Variants in EPB41L3 observed in about 807,000 individuals in gnomAD.
EPB41L3 encodes the protein band 4.1-like protein 3.
A neutral mutation model predicts 127.1 loss-of-function variants in EPB41L3; 57 were observed. The observed-to-expected ratio is 0.45, with a 90% confidence interval of 0.36 to 0.56. The LOEUF (loss-of-function observed/expected upper bound fraction) is 0.56. EPB41L3 is among the 20% of genes least tolerant of loss of function. The pLI, the probability that EPB41L3 is intolerant of heterozygous loss-of-function variation, is 0.00. For synonymous variants in EPB41L3, 572 were observed against 549.5 expected (o/e 1.04, Z -0.57); for missense variants, 1,273 against 1,372.2 (o/e 0.93, Z 1.14).
At chr18:5,445,381 C>T (rs2081327684) in intron 3 of EPB41L3, 137 bp from the exon 4 acceptor site, 1 of 683,764 alleles carries the variant, frequency 1.5e-6, no homozygotes, top group South Asian at 2.0e-5. Flanking sequence ...GATCACATTG[C>T]CATCTCCTGT....
chr18:5,616,286 A>AC (rs1488498036), intron 1 of EPB41L3, among the ~76,000 whole-genome samples: 1 of 151,488 alleles, frequency 6.6e-6, no homozygotes, highest in Non-Finnish European at 1.5e-5. Context: ...GACCCCCACA[A>AC]CCCTACTTTT....
Position 5,406,135 on chromosome 18 carries a change from C to T in EPB41L3, c.2349+642G>A, listed in dbSNP as rs546649665. On this transcript the variant is annotated intron_variant, in intron 16 of 22. Coordinates refer to ENST00000341928, the MANE Select transcript of EPB41L3 (RefSeq NM_012307.5). ...GTGTGGTGAAGGGCATCTATAGTCCCAGCTACTTGGGAGGCCAAGGCAGGA... is the reference window on the plus strand; with the variant it reads ...GTGTGGTGAAGGGCATCTATAGTCCTAGCTACTTGGGAGGCCAAGGCAGGA... Among the ~76,000 whole-genome samples the T allele has an allele frequency of 1.2e-3, 180 of 152,220 alleles. 1 individual carries two copies. Among genetic ancestry groups the T allele is most frequent in the African/African-American group, 4.2e-3 (174 of 41,536 alleles).
intron 1 of EPB41L3, among the ~76,000 whole-genome samples, chr18:5,530,868 A>G (rs137894539): frequency 1.1e-3 from 171 of 152,326 alleles, no homozygotes; most frequent in African/African-American, 4.0e-3. Flanking sequence ...TCAGGGTGAC[A>G]GGAAGCCCCG....
chr18:5,452,637 C>T (rs545568078), intron 3 of EPB41L3, among the ~76,000 whole-genome samples: 1 of 152,170 alleles, frequency 6.6e-6, no homozygotes, highest in South Asian at 2.1e-4. Context: ...TAAAAGTTCT[C>T]AGGAAATGAT....
chr18:5,578,940 G>C (rs2094363842), intron 3 of EPB41L3, among the ~76,000 whole-genome samples: 1 of 152,132 alleles, frequency 6.6e-6, no homozygotes, highest in African/African-American at 2.4e-5. Context: ...GTGCATAGGA[G>C]TTACAGTTAC....
chr18:5,530,344 C>G (rs1046782520), intron 1 of EPB41L3, among the ~76,000 whole-genome samples: 1 of 152,012 alleles, frequency 6.6e-6, no homozygotes, highest in Non-Finnish European at 1.5e-5. Context: ...TTCATGTATT[C>G]CTTCAAAAAA....
chr18:5,451,426 A>C (rs2082266091), intron 3 of EPB41L3, among the ~76,000 whole-genome samples: 1 of 151,854 alleles, frequency 6.6e-6, no homozygotes, highest in Admixed American at 6.6e-5. Flanking sequence ...CCCAGTGCCA[A>C]CTCTCTGAAG....
chr18:5,597,515 T>C (rs183046478), intron 3 of EPB41L3, among the ~76,000 whole-genome samples: 51 of 152,324 alleles, frequency 3.3e-4, no homozygotes, highest in Non-Finnish European at 5.1e-4. Context: ...AACTGTATTC[T>C]ACTGTTTATT....
intron 16 of EPB41L3, chr18:5,399,257 T>G: frequency 2.5e-6 from 1 of 399,080 alleles, no homozygotes; most frequent in Non-Finnish European, 4.4e-6. Flanking sequence ...TGCCAGATTT[T>G]AACATGTCAG....
intron 1 of EPB41L3, among the ~76,000 whole-genome samples, chr18:5,523,796 T>G (rs2093100569): frequency 6.6e-6 from 1 of 152,002 alleles, no homozygotes; most frequent in Admixed American, 6.6e-5. Flanking sequence ...AAAAAAAAAT[T>G]AACACCTACT....
chr18:5,414,943 T>G (rs1351066499), intron 13 of EPB41L3, among the ~76,000 whole-genome samples: 1 of 152,196 alleles, frequency 6.6e-6, no homozygotes, highest in Non-Finnish European at 1.5e-5. Context: ...TTCAGGGTCT[T>G]TCGCCCACTA....
At chr18:5,625,384 G>A (rs556290859) in intron 1 of EPB41L3, among the ~76,000 whole-genome samples, 34 of 152,160 alleles carry the variant, frequency 2.2e-4, no homozygotes, top group African/African-American at 7.5e-4. Context: ...TGACGTTTCC[G>A]TGGTGTGTGT....
At chr18:5,606,869 C>CA (rs1481150397) in intron 3 of EPB41L3, among the ~76,000 whole-genome samples, 1 of 150,938 alleles carries the variant, frequency 6.6e-6, no homozygotes, top group African/African-American at 2.5e-5. Flanking sequence ...AACACCTGCC[C>CA]ACCATGGCGT....
chr18:5,558,559 G>A (rs8091944), intron 3 of EPB41L3, among the ~76,000 whole-genome samples: 83,675 of 152,066 alleles, frequency 0.55, 25,485 homozygotes, highest in Non-Finnish European at 0.68. Context: ...GTATGTAGAA[G>A]GTGCATGGTC....
intron 3 of EPB41L3, among the ~76,000 whole-genome samples, chr18:5,468,181 G>T (rs1438533658): frequency 6.6e-6 from 1 of 152,186 alleles, no homozygotes; most frequent in Non-Finnish European, 1.5e-5. Context: ...GAGGCTAAGG[G>T]GGACACTGAG....
chr18:5,469,386 TTGCCCAGAGC>T (rs1431488407), intron 3 of EPB41L3, among the ~76,000 whole-genome samples: 1 of 152,238 alleles, frequency 6.6e-6, no homozygotes, highest in Non-Finnish European at 1.5e-5. Context: ...AGCCGCAGGC[TTGCCCAGAGC>T]TGGTGCCTGT....
At chr18:5,599,817 A>G (rs897977479) in intron 3 of EPB41L3, among the ~76,000 whole-genome samples, 2 of 152,108 alleles carry the variant, frequency 1.3e-5, no homozygotes, top group Non-Finnish European at 2.9e-5. Context: ...TTTACAAATT[A>G]CCTAGTCTCA....
rs2073841041 is a variant in EPB41L3 at position 5,397,873 on chromosome 18, G to A, written c.2472+148C>T. The A allele has an allele frequency of 1.1e-6, 1 of 869,950 alleles. No individual in the cohort carries two copies. Among genetic ancestry groups the A allele is most frequent in the Non-Finnish European group, 1.8e-6 (1 of 549,632 alleles). The allele number at this position is 869,950 out of a possible 1,614,324, so 53.9% of individuals were successfully genotyped here. ...TAAAGGCATGTGACAGATATGCCAA[G>A]CAGACACAAAGGACAATAAGTGAAG... On this transcript the variant is annotated intron_variant, in intron 17 of 22. Transcript: ENST00000341928. This position sits in a 1 kb window ranked among gnomAD's most constrained non-coding sequence, Gnocchi z 4.1.
Position 5,397,956 on chromosome 18 carries a change from A to G in EPB41L3, c.2472+65T>C. ...GGATGCAACCACACACTCACGCCCA[A>G]AAAAAGGGTAAGGAAAGGCACATGG... is the stretch of plus-strand genomic sequence containing the variant. On this transcript the variant is annotated intron_variant, in intron 17 of 22. Transcript: ENST00000341928. The surrounding 1 kb of genome is among the most constrained non-coding windows in gnomAD (Gnocchi z 4.1). The G allele has an allele frequency of 6.2e-7, 1 of 1,607,184 alleles. No individual in the cohort carries two copies. The highest frequency in any genetic ancestry group is 1.7e-5 in the Admixed American group (1 of 59,200).
Sources: allele counts gnomAD v4.1 joint callset (sites outside exome capture counted in the v4.1 genomes callset), GRCh38; gene constraint gnomAD v4.1.1; non-coding constraint Gnocchi (gnomAD v3.1); transcripts MANE v1.5; gene names NCBI Gene and HGNC (gene_info 2026-07-23, HGNC 2026-07-21).